Variants in DAB1 observed in about 807,000 individuals in gnomAD.
The protein encoded by DAB1 is DAB adaptor protein 1.
DAB1 carries 15 observed loss-of-function variants against 64.6 expected under a neutral mutation model. The observed-to-expected ratio is 0.23, with a 90% CI of 0.16 to 0.36. The LOEUF (loss-of-function observed/expected upper bound fraction) is 0.36, where lower values mean the gene tolerates loss of function less well. Among genes scored for constraint, DAB1 ranks in the 10% least tolerant of loss-of-function variants. DAB1 has a pLI of 1.00. For synonymous variants in DAB1, 235 were observed against 251.9 expected, an observed-to-expected ratio of 0.93 and a Z score of 0.64; for missense variants, 596 against 706.7, an observed-to-expected ratio of 0.84 and a Z score of 1.78.
At chr1:57,671,922 A>G (rs1175546849) in intron 6 of DAB1, among the ~76,000 whole-genome samples, 4 of 152,124 alleles carry the variant, frequency 2.6e-5, no homozygotes, top group Admixed American at 2.0e-4. Flanking sequence ...ATAAGCAGGA[A>G]ATAGGTATTT....
At chr1:57,906,984 ATAGAT>A (rs2102002738) in intron 5 of DAB1, among the ~76,000 whole-genome samples, 1 of 149,878 alleles carries the variant, frequency 6.7e-6, no homozygotes, top group African/African-American at 2.5e-5. Flanking sequence ...AGATAGATAG[ATAGAT>A]TTGCTAAGCA....
intron 7 of DAB1, among the ~76,000 whole-genome samples, chr1:57,576,099 G>A (rs2805871): frequency 0.25 from 38,613 of 151,972 alleles, 5,245 homozygotes; most frequent in South Asian, 0.41. Flanking sequence ...AGTAGAAATC[G>A]TACTTCACAT....
At chr1:58,228,750 T>TA in intron 4 of DAB1, 1 of 978,530 alleles carries the variant, frequency 1.0e-6, no homozygotes, top group Non-Finnish European at 1.6e-6. Flanking sequence ...CAGGCCCACG[T>TA]TGATGGCATA....
At chr1:57,129,757 T>C (rs1657486067) in intron 4 of DAB1, among the ~76,000 whole-genome samples, 1 of 152,092 alleles carries the variant, frequency 6.6e-6, no homozygotes, top group Non-Finnish European at 1.5e-5. Context: ...TGATATCCTA[T>C]GACTAGATAA....
At chr1:58,206,106 C>T (rs567242844) in intron 4 of DAB1, among the ~76,000 whole-genome samples, 4 of 152,296 alleles carry the variant, frequency 2.6e-5, no homozygotes, top group South Asian at 2.1e-4. Context: ...AGTCTCAGGA[C>T]GTCCTGATGA....
intron 6 of DAB1, among the ~76,000 whole-genome samples, chr1:57,692,491 T>C (rs1646776286): frequency 2.0e-5 from 3 of 149,488 alleles, no homozygotes; most frequent in South Asian, 4.3e-4. Flanking sequence ...AGAGGCAAAG[T>C]CAAAGAGAGA....
At chr1:57,316,324 A>G (rs925527034) in intron 1 of DAB1, among the ~76,000 whole-genome samples, 1 of 152,196 alleles carries the variant, frequency 6.6e-6, no homozygotes, top group Non-Finnish European at 1.5e-5. Flanking sequence ...AATGTATTTT[A>G]TTTTGTAATA....
Position 57,499,137 on chromosome 1 carries a change from G to A in DAB1, n.625+150455C>T, listed in dbSNP as rs560567342. On this transcript the variant is annotated intron_variant and non_coding_transcript_variant, in intron 7 of 20. Coordinates refer to the DAB1 transcript ENST00000485760. ...ACTACAGATGCACACCACCACGCCC[G>A]GCTAATTTTTTGTATTTTAGTAGAC... 2.3e-3 allele frequency among the ~76,000 whole-genome samples: 348 copies of A among 152,170 alleles called. 2 individuals carry two copies. Among genetic ancestry groups the A allele is most frequent in the Non-Finnish European group, 4.0e-3 (270 of 68,016 alleles).
chr1:57,193,983 G>A (rs1487962310), intron 2 of DAB1, among the ~76,000 whole-genome samples: 1 of 152,226 alleles, frequency 6.6e-6, no homozygotes, highest in Non-Finnish European at 1.5e-5. Flanking sequence ...GTGATAGGAA[G>A]GACTGAACAG....
At chr1:57,746,401 T>C (rs938109534) in intron 6 of DAB1, among the ~76,000 whole-genome samples, 16 of 152,300 alleles carry the variant, frequency 1.1e-4, no homozygotes, top group African/African-American at 3.8e-4. Flanking sequence ...TACTCACTAA[T>C]CTGATGGATG....
At chr1:57,883,074 C>T (rs901606712) in intron 1 of DAB1, among the ~76,000 whole-genome samples, 2 of 152,158 alleles carry the variant, frequency 1.3e-5, no homozygotes, top group African/African-American at 2.4e-5. Context: ...CCAAATAAAA[C>T]GCTTGCTCTG....
intron 5 of DAB1, among the ~76,000 whole-genome samples, chr1:58,107,283 A>AC (rs1281874030): frequency 9.0e-5 from 11 of 121,678 alleles, no homozygotes; most frequent in Non-Finnish European, 1.4e-4. Context: ...ACATGATGAA[A>AC]CCCCCCTCTA....
intron 6 of DAB1, among the ~76,000 whole-genome samples, chr1:57,802,616 G>C (rs1234886410): frequency 6.6e-6 from 1 of 152,136 alleles, no homozygotes; most frequent in Non-Finnish European, 1.5e-5. Flanking sequence ...GGATTATGGG[G>C]TCAGACTTCC....
Position 57,372,942 on chromosome 1 carries a change from C to T in DAB1, c.-137+50988G>A, listed in dbSNP as rs555351643. On this transcript the variant is annotated intron_variant, in intron 1 of 14. Transcript: ENST00000371236. ...CTATAATCCCAGCACTTTGGGAGGC[C>T]GAGGTGAGAGGATCATTTGAGTCCA... 3.1e-4 allele frequency among the ~76,000 whole-genome samples: 47 copies of T among 151,478 alleles called. No homozygotes were observed. The Middle Eastern group carries it at 0.017, about 56-fold the overall frequency.
intron 3 of DAB1, among the ~76,000 whole-genome samples, chr1:58,412,052 T>C (rs990679409): frequency 3.3e-5 from 5 of 152,144 alleles, no homozygotes; most frequent in African/African-American, 1.2e-4. Context: ...TCTCTGACCA[T>C]AGTAATGGGT....
At chr1:57,585,253 A>G in intron 7 of DAB1, among the ~76,000 whole-genome samples, 1 of 148,460 alleles carries the variant, frequency 6.7e-6, no homozygotes, top group South Asian at 2.1e-4. Context: ...TTTCTGAAAA[A>G]AAAAAAAAAA....
At chr1:57,563,084 G>A (rs1412355542) in intron 7 of DAB1, among the ~76,000 whole-genome samples, 1 of 152,114 alleles carries the variant, frequency 6.6e-6, no homozygotes, top group African/African-American at 2.4e-5. Flanking sequence ...TCAGGAATAA[G>A]GTTTGGGTCA....
intron 1 of DAB1, among the ~76,000 whole-genome samples, chr1:57,359,284 T>C (rs1679361538): frequency 6.6e-6 from 1 of 151,928 alleles, no homozygotes; most frequent in Non-Finnish European, 1.5e-5. Context: ...GTTAAAAGAC[T>C]GAATAAACAT....
intron 6 of DAB1, among the ~76,000 whole-genome samples, chr1:57,669,691 A>T (rs1307585888): frequency 6.6e-6 from 1 of 152,190 alleles, no homozygotes; most frequent in Admixed American, 6.5e-5. Flanking sequence ...CCACAGAGGC[A>T]AAATACAAGA....
Sources: allele counts gnomAD v4.1 joint callset (sites outside exome capture counted in the v4.1 genomes callset), GRCh38; gene constraint gnomAD v4.1.1; transcripts MANE v1.5; gene names NCBI Gene and HGNC (gene_info 2026-07-23, HGNC 2026-07-21).